The following METTL15 variants were observed in gnomAD, a reference collection of about 807,000 sequenced individuals.
METTL15 encodes 12S rRNA N(4)-cytidine methyltransferase METTL15.
A neutral mutation model predicts 38.3 loss-of-function variants in METTL15; 34 were observed. The ratio of observed to expected loss-of-function variants is 0.89; its 90% CI spans 0.68 to 1.18. The LOEUF is 1.18. METTL15 is among the 50% of genes most tolerant of loss of function. The probability of loss-of-function intolerance (pLI) is 0.00; values close to 1 mark genes in which losing one functional copy is unlikely to be tolerated. For synonymous variants in METTL15, 162 were observed against 170.9 expected (o/e 0.95, Z 0.41); for missense variants, 438 against 498.4 (o/e 0.88, Z 1.15).
chr11:28,414,984 C>G (rs1850760680), intron 5 of METTL15, among the ~76,000 whole-genome samples: 1 of 152,168 alleles, frequency 6.6e-6, no homozygotes, highest in African/African-American at 2.4e-5. Context: ...CCTTAAGATT[C>G]AGAAAATCAA....
intron 6 of METTL15, among the ~76,000 whole-genome samples, chr11:28,300,238 A>C (rs865867194): frequency 1.3e-5 from 2 of 152,116 alleles, no homozygotes; most frequent in Non-Finnish European, 2.9e-5. Flanking sequence ...GTGTTTTCTG[A>C]TTCTGATAAA....
chr11:28,216,015 G>A lies in METTL15; in HGVS notation c.407+4817G>A, dbSNP rs147580604. On this transcript the variant is annotated intron_variant, in intron 4 of 6. Coordinates refer to ENST00000407364, the MANE Select transcript of METTL15 (RefSeq NM_001113528.2). ...GCAAGATCCTGTCTCAAGATGGGTG[G>A]ATGGATGGATGCATGCATGGAAGGA... Among the ~76,000 whole-genome samples the A allele has an allele frequency of 6.6e-5, 10 of 152,202 alleles. No homozygotes were observed. The East Asian group carries it at 1.7e-3, about 27-fold the overall frequency.
chr11:28,350,827 T>G (rs1178294282), intron 3 of METTL15, among the ~76,000 whole-genome samples: 1 of 152,216 alleles, frequency 6.6e-6, no homozygotes, highest in Non-Finnish European at 1.5e-5. Flanking sequence ...AAATTACATG[T>G]AAACATTTGA....
chr11:28,457,222 A>T (rs577174284), intron 6 of METTL15, among the ~76,000 whole-genome samples: 6 of 152,230 alleles, frequency 3.9e-5, no homozygotes, highest in Admixed American at 3.9e-4. Context: ...CATATGTGCA[A>T]TGTAAGCCCA....
chr11:28,155,536 GTCTGAATTAATGGCTTATGGACCCTC>G (rs1850234101), intron 3 of METTL15, among the ~76,000 whole-genome samples: 1 of 152,146 alleles, frequency 6.6e-6, no homozygotes, highest in South Asian at 2.1e-4. Context: ...GGAGTGCTCT[GTCTGAATTAATGGCTTATGGACCCTC>G]TTAACAGAGA....
At chr11:28,181,339 T>C (rs1851280063) in intron 3 of METTL15, among the ~76,000 whole-genome samples, 1 of 148,208 alleles carries the variant, frequency 6.7e-6, no homozygotes, top group Non-Finnish European at 1.5e-5. Flanking sequence ...ATACGTGCCA[T>C]GGTGGTTTGC....
chr11:28,160,157 C>T (rs970054610), intron 3 of METTL15, among the ~76,000 whole-genome samples: 17 of 151,938 alleles, frequency 1.1e-4, no homozygotes, highest in Non-Finnish European at 2.5e-4. Flanking sequence ...CCTTGGACTT[C>T]GGACTCCGTG....
At chr11:28,523,123 AT>A (rs1314522408) in intron 6 of METTL15, among the ~76,000 whole-genome samples, 1 of 152,222 alleles carries the variant, frequency 6.6e-6, no homozygotes, top group Non-Finnish European at 1.5e-5. Flanking sequence ...AATAAGTGGC[AT>A]TAAAAAAGGG....
chr11:28,258,800 T>C (rs1169333919), intron 4 of METTL15, among the ~76,000 whole-genome samples: 1 of 152,154 alleles, frequency 6.6e-6, no homozygotes, highest in African/African-American at 2.4e-5. Context: ...CCAGAGCAGA[T>C]CCAGGAATGC....
chr11:28,357,323 T>C (rs1850098784), intron 4 of METTL15, among the ~76,000 whole-genome samples: 1 of 152,354 alleles, frequency 6.6e-6, no homozygotes, highest in South Asian at 2.1e-4. Flanking sequence ...TCCAATGAGA[T>C]AGTACATGTG....
intron 6 of METTL15, among the ~76,000 whole-genome samples, chr11:28,512,331 C>T (rs1389147913): frequency 6.6e-6 from 1 of 152,216 alleles, no homozygotes; most frequent in Non-Finnish European, 1.5e-5. Context: ...CGCAGTGCGC[C>T]CGCACTCCTC....
chr11:28,445,707 A>G (rs1183503416), intron 6 of METTL15, among the ~76,000 whole-genome samples: 1 of 152,084 alleles, frequency 6.6e-6, no homozygotes, highest in African/African-American at 2.4e-5. Flanking sequence ...GCTGGAGTGC[A>G]GTGGCATGAT....
At chr11:28,141,442 A>G (rs1312536592) in intron 3 of METTL15, among the ~76,000 whole-genome samples, 1 of 152,138 alleles carries the variant, frequency 6.6e-6, no homozygotes, top group Non-Finnish European at 1.5e-5. Flanking sequence ...AGACAGAGAC[A>G]AAATCAGAGG....
At chr11:28,306,783 A>T (rs550207767) in intron 6 of METTL15, among the ~76,000 whole-genome samples, 1 of 152,104 alleles carries the variant, frequency 6.6e-6, no homozygotes, top group South Asian at 2.1e-4. Flanking sequence ...CAAAGATTAT[A>T]TTTTTGGGAC....
chr11:28,196,549 T>G (rs1851916192), intron 3 of METTL15, among the ~76,000 whole-genome samples: 1 of 152,054 alleles, frequency 6.6e-6, no homozygotes, highest in African/African-American at 2.4e-5. Flanking sequence ...ATTGATTTTG[T>G]AACGTGAGAC....
rs183632610 is a variant in METTL15, at chr11:28,142,728, A to C, written c.270+29124A>C. Among the ~76,000 whole-genome samples, 138 of 152,300 alleles carry C rather than the reference A, an allele frequency of 9.1e-4. 1 individual carries two copies. The highest frequency in any genetic ancestry group is 3.3e-3 in the African/African-American group (137 of 41,564). On this transcript the variant is annotated intron_variant, in intron 3 of 6. Coordinates refer to ENST00000407364, the MANE Select transcript of METTL15 (RefSeq NM_001113528.2). ...CATGTTAAGAATATTTGGTCTTTAA[A>C]AGCTGTGGGAATTCATTGAAAATTC... is the stretch of plus-strand genomic sequence containing the variant.
At chr11:28,236,876 G>C (rs1262746615) in intron 4 of METTL15, among the ~76,000 whole-genome samples, 2 of 152,126 alleles carry the variant, frequency 1.3e-5, no homozygotes, top group Non-Finnish European at 2.9e-5. Context: ...CGTTTGGCTG[G>C]ATATGAAATT....
chr11:28,354,732 A>G (rs1193802947), intron 4 of METTL15, among the ~76,000 whole-genome samples: 2 of 152,206 alleles, frequency 1.3e-5, no homozygotes, highest in Admixed American at 1.3e-4. Flanking sequence ...GAAATCGGTG[A>G]GTGGTGTAAT....
chr11:28,220,928 C>A (rs903645274), intron 4 of METTL15, among the ~76,000 whole-genome samples: 2 of 152,206 alleles, frequency 1.3e-5, no homozygotes, highest in African/African-American at 4.8e-5. Context: ...GCGGAGAGAT[C>A]AACTGTTAGT....
Sources: allele counts gnomAD v4.1 joint callset (sites outside exome capture counted in the v4.1 genomes callset), GRCh38; gene constraint gnomAD v4.1.1; transcripts MANE v1.5; gene names NCBI Gene and HGNC (gene_info 2026-07-23, HGNC 2026-07-21).